Variants in TAFA1 observed in about 807,000 individuals in gnomAD.
TAFA1 encodes the protein chemokine-like protein TAFA-1.
Under a neutral mutation model 18.5 loss-of-function variants are expected in TAFA1, and 4 were observed. That is an observed-to-expected ratio of 0.22 (90% CI 0.11 to 0.49). The LOEUF is 0.49. Ranked by LOEUF, TAFA1 falls within the 20% of genes least tolerant of loss-of-function variation. The probability of loss-of-function intolerance (pLI) is 0.98; values close to 1 mark genes in which losing one functional copy is unlikely to be tolerated. For missense variants in TAFA1, 147 were observed against 169.0 expected (o/e 0.87, Z 0.72); for synonymous variants, 56 against 55.2 (o/e 1.01, Z -0.06).
At position 68,055,305 on chromosome 3, in the gene TAFA1, C is replaced by T. The variant is rs949281302; in HGVS notation, c.118+48561C>T. Among the ~76,000 whole-genome samples the T allele has an allele frequency of 5.3e-5, 8 of 152,036 alleles. No homozygotes were observed. The Middle Eastern group carries it at 0.01, about 194-fold the overall frequency. On this transcript the variant is annotated intron_variant, in intron 2 of 4. Coordinates refer to ENST00000478136, the MANE Select transcript of TAFA1 (RefSeq NM_213609.4). ...AGATACTCATGTGTGTGTATGTATG[C>T]GGGGGGCAAGAGGTGGGATGGTTTG...
intron 2 of TAFA1, among the ~76,000 whole-genome samples, chr3:68,155,544 A>G (rs1296140554): frequency 1.3e-5 from 2 of 152,064 alleles, no homozygotes; most frequent in Admixed American, 1.3e-4. Context: ...TTCACACTCT[A>G]TTCCACTCTC....
At chr3:68,434,817 CTG>C (rs2071241928) in intron 3 of TAFA1, among the ~76,000 whole-genome samples, 2 of 152,054 alleles carry the variant, frequency 1.3e-5, no homozygotes, top group Non-Finnish European at 2.9e-5. Flanking sequence ...TTTGCATTGT[CTG>C]TGGAATTCAA....
At chr3:68,018,120 G>C (rs1575575939) in intron 2 of TAFA1, among the ~76,000 whole-genome samples, 1 of 152,222 alleles carries the variant, frequency 6.6e-6, no homozygotes, top group East Asian at 1.9e-4. Flanking sequence ...CCAATTAAAG[G>C]GAAAACAAGA....
At chr3:67,992,488 C>T in the TAFA1 span, among the ~76,000 whole-genome samples, 1 of 152,240 alleles carries the variant, frequency 6.6e-6, no homozygotes, top group South Asian at 2.1e-4. Context: ...TCTTATTGTG[C>T]TTTAATGTTT....
intron 3 of TAFA1, among the ~76,000 whole-genome samples, chr3:68,427,056 G>A (rs917832267): frequency 2.0e-5 from 3 of 151,720 alleles, no homozygotes; most frequent in Non-Finnish European, 4.4e-5. Flanking sequence ...TCATGTGTGT[G>A]AGAGAGAGAG....
In TAFA1 at chr3:68,480,420, G is replaced by T. The variant is rs1055619966; in HGVS notation, c.260-58336G>T. ...TTGGTCTCAAAAAACATAAAAAAAA[G>T]AAAAAGAAATGTAAATTCTTAGGAT... On this transcript the variant is annotated intron_variant, in intron 3 of 4. Transcript: ENST00000478136. Among the ~76,000 whole-genome samples the T allele has an allele frequency of 2.8e-5, 4 of 143,714 alleles. No individual in the cohort carries two copies. The East Asian group carries it at 8.3e-4, about 30-fold the overall frequency. The allele number at this position is 143,714 out of a possible 152,430, so 94.3% of individuals were successfully genotyped here.
intron 2 of TAFA1, among the ~76,000 whole-genome samples, chr3:68,116,047 G>C (rs2065320596): frequency 6.6e-6 from 1 of 152,096 alleles, no homozygotes; most frequent in African/African-American, 2.4e-5. Context: ...ACGAGGTCAG[G>C]AGAGTGAGAC....
At position 68,299,338 on chromosome 3, in the gene TAFA1, G is replaced by T. The variant is rs533839303; in HGVS notation, c.119-117942G>T. Among the ~76,000 whole-genome samples, 3 of 152,324 alleles carry T rather than the reference G, an allele frequency of 2.0e-5. No individual in the cohort carries two copies. In the South Asian group the frequency reaches 6.2e-4, roughly 32 times the overall value. On this transcript the variant is annotated intron_variant, in intron 2 of 4. Transcript: ENST00000478136. ...TTTTGCCCCTGCTCTAGAGATCTGT[G>T]AACTTTGAACTTGAGAGAGATGACT...
intron 2 of TAFA1, among the ~76,000 whole-genome samples, chr3:68,400,719 G>A (rs560725459): frequency 1.8e-4 from 28 of 152,220 alleles, no homozygotes; most frequent in African/African-American, 5.8e-4. Context: ...CAAACTTAGT[G>A]GACATTTATA....
chr3:68,079,798 G>T (rs544957210), intron 2 of TAFA1, among the ~76,000 whole-genome samples: 6 of 152,264 alleles, frequency 3.9e-5, no homozygotes, highest in African/African-American at 1.4e-4. Flanking sequence ...TGTTGATTTG[G>T]GGTGGAGAGC....
chr3:68,045,908 G>A (rs1705258417), intron 2 of TAFA1, among the ~76,000 whole-genome samples: 1 of 152,148 alleles, frequency 6.6e-6, no homozygotes, highest in Non-Finnish European at 1.5e-5. Flanking sequence ...CTGACTATGA[G>A]CTGTAAATAA....
intron 2 of TAFA1, among the ~76,000 whole-genome samples, chr3:68,040,677 T>A (rs1200789444): frequency 1.3e-5 from 2 of 152,162 alleles, no homozygotes; most frequent in African/African-American, 4.8e-5. Context: ...GAGTTGCACA[T>A]TCCTGATTCC....
intron 2 of TAFA1, among the ~76,000 whole-genome samples, chr3:68,074,754 C>G (rs2106757014): frequency 6.6e-6 from 1 of 152,278 alleles, no homozygotes; most frequent in South Asian, 2.1e-4. Flanking sequence ...GAGCTTGTCT[C>G]ATAACCACCA....
chr3:68,376,608 A>G (rs2069822910), intron 2 of TAFA1, among the ~76,000 whole-genome samples: 1 of 152,188 alleles, frequency 6.6e-6, no homozygotes, highest in Non-Finnish European at 1.5e-5. Flanking sequence ...ACAGCTGCGT[A>G]GTATTCCATG....
intron 2 of TAFA1, among the ~76,000 whole-genome samples, chr3:68,133,904 AC>A (rs2065573680): frequency 6.6e-6 from 1 of 152,094 alleles, no homozygotes; most frequent in African/African-American, 2.4e-5. Flanking sequence ...AAATAAAGAT[AC>A]AATTAATTGG....
At chr3:68,147,969 C>A (rs186838765) in intron 2 of TAFA1, among the ~76,000 whole-genome samples, 147 of 152,242 alleles carry the variant, frequency 9.7e-4, no homozygotes, top group African/African-American at 3.3e-3. Context: ...AGAAATAAAT[C>A]AATTATTTGG....
At chr3:68,124,187 G>A (rs570626054) in intron 2 of TAFA1, among the ~76,000 whole-genome samples, 4 of 152,346 alleles carry the variant, frequency 2.6e-5, no homozygotes, top group African/African-American at 7.2e-5. Context: ...TGTGCTGGCT[G>A]TAAGCCTTGT....
chr3:68,270,802 A>G (rs887377867), intron 2 of TAFA1, among the ~76,000 whole-genome samples: 1 of 152,170 alleles, frequency 6.6e-6, no homozygotes, highest in Non-Finnish European at 1.5e-5. Flanking sequence ...TAAACAGAAG[A>G]CAAAAATCAA....
intron 2 of TAFA1, among the ~76,000 whole-genome samples, chr3:68,333,046 T>A (rs545427130): frequency 6.6e-6 from 1 of 152,328 alleles, no homozygotes; most frequent in South Asian, 2.1e-4. Flanking sequence ...ACCTATACAC[T>A]GCTGGTAGAA....
Sources: allele counts gnomAD v4.1 joint callset (sites outside exome capture counted in the v4.1 genomes callset), GRCh38; gene constraint gnomAD v4.1.1; transcripts MANE v1.5; gene names NCBI Gene and HGNC (gene_info 2026-07-23, HGNC 2026-07-21).